The following EEFSEC variants were observed in gnomAD, a reference collection of about 807,000 sequenced individuals.
EEFSEC encodes selenocysteine-specific elongation factor.
EEFSEC carries 43 observed loss-of-function variants against 42.1 expected under a neutral mutation model. The observed-to-expected ratio is 1.02, with a 90% CI of 0.80 to 1.32. The LOEUF (loss-of-function observed/expected upper bound fraction) is 1.32, where lower values mean the gene tolerates loss of function less well. EEFSEC is among the 40% of genes most tolerant of loss of function. The pLI, the probability that EEFSEC is intolerant of heterozygous loss-of-function variation, is 0.00. For synonymous variants in EEFSEC, 354 were observed against 339.1 expected, an observed-to-expected ratio of 1.04 and a Z score of -0.48; for missense variants, 745 against 803.6, an observed-to-expected ratio of 0.93 and a Z score of 0.88.
chr3:128,328,370 G>A (rs140838103), intron 4 of EEFSEC, among the ~76,000 whole-genome samples: 5 of 152,262 alleles, frequency 3.3e-5, no homozygotes, highest in African/African-American at 9.6e-5. Flanking sequence ...AGCCACATGC[G>A]CCGTCCAGAT....
chr3:128,269,740 GA>G (rs2066394818), intron 4 of EEFSEC, among the ~76,000 whole-genome samples: 3 of 152,128 alleles, frequency 2.0e-5, no homozygotes, highest in African/African-American at 7.2e-5. Context: ...GAGTGAAGGA[GA>G]AAAAAATTCC....
intron 4 of EEFSEC, among the ~76,000 whole-genome samples, chr3:128,293,364 T>A (rs1022968661): frequency 6.6e-6 from 1 of 152,206 alleles, no homozygotes; most frequent in Non-Finnish European, 1.5e-5. Context: ...GCTAATTTTC[T>A]GTCTGTCTCT....
intron 6 of EEFSEC, among the ~76,000 whole-genome samples, chr3:128,381,507 T>C (rs1184410293): frequency 6.6e-6 from 1 of 152,044 alleles, no homozygotes; most frequent in African/African-American, 2.4e-5. Flanking sequence ...CCAGGATGAG[T>C]TCCATTAGGC....
intron 6 of EEFSEC, among the ~76,000 whole-genome samples, chr3:128,389,332 G>A (rs1369570277): frequency 6.6e-6 from 1 of 152,222 alleles, no homozygotes; most frequent in African/African-American, 2.4e-5. Context: ...GGACACAGGA[G>A]GTCATCCGAT....
chr3:128,396,723 G>A (rs547768725), intron 6 of EEFSEC, among the ~76,000 whole-genome samples: 2 of 152,346 alleles, frequency 1.3e-5, no homozygotes, highest in Non-Finnish European at 2.9e-5. Flanking sequence ...TTCCTGGTGT[G>A]TGTGAATAGC....
rs80239419 is a variant in EEFSEC at position 128,271,654 on chromosome 3, C to T, written c.786+6873C>T. Among the ~76,000 whole-genome samples, 170 of 152,252 alleles carry T rather than the reference C, an allele frequency of 1.1e-3. 2 individuals carry two copies. The East Asian group carries it at 0.031, about 27-fold the overall frequency. ...AGCAGATCAGCCCACCCTTGGTTGT[C>T]GCCCTCAGGAGGGACCTCGCAGATC... On this transcript the variant is annotated intron_variant, in intron 4 of 6. Transcript: ENST00000254730.
At chr3:128,344,740 C>T (rs1035140430) in intron 5 of EEFSEC, among the ~76,000 whole-genome samples, 2 of 152,240 alleles carry the variant, frequency 1.3e-5, no homozygotes, top group South Asian at 2.1e-4. Context: ...GGCTCAAGCC[C>T]TTGCTGTACC....
chr3:128,312,624 T>C (rs544074300), intron 4 of EEFSEC, among the ~76,000 whole-genome samples: 1 of 152,360 alleles, frequency 6.6e-6, no homozygotes, highest in Admixed American at 6.5e-5. Flanking sequence ...AGTTGAGAGA[T>C]GGGTGGGCCA....
chr3:128,333,483 A>G (rs775062963), intron 4 of EEFSEC, among the ~76,000 whole-genome samples: 2 of 152,240 alleles, frequency 1.3e-5, no homozygotes, highest in Non-Finnish European at 2.9e-5. Context: ...CTTTAATGAC[A>G]GGCAGATTGC....
downstream of EEFSEC, among the ~76,000 whole-genome samples, chr3:128,409,899 G>A (rs2068162369): frequency 6.6e-6 from 1 of 152,200 alleles, no homozygotes; most frequent in South Asian, 2.1e-4. Context: ...GGAAGGCAGT[G>A]CCACTTCACT....
At position 128,329,221 on chromosome 3, in the gene EEFSEC, A is replaced by G. The variant is rs1289136884; in HGVS notation, c.787-12012A>G. Among the ~76,000 whole-genome samples the G allele has an allele frequency of 2.0e-5, 3 of 152,286 alleles. 1 individual carries two copies. The East Asian group carries it at 5.8e-4, about 29-fold the overall frequency. On this transcript the variant is annotated intron_variant, in intron 4 of 6. Coordinates refer to ENST00000254730, the MANE Select transcript of EEFSEC (RefSeq NM_021937.5). The stretch of plus-strand genomic sequence containing the variant: ...TGTCTCTGCCCTTGGCTTGCTGGTC[A>G]TACCCTTGTCTAGCCTTGCTGATGC...
At chr3:128,339,018 G>A (rs1559927810) in intron 4 of EEFSEC, among the ~76,000 whole-genome samples, 1 of 152,202 alleles carries the variant, frequency 6.6e-6, no homozygotes, top group Non-Finnish European at 1.5e-5. Context: ...TGGGAGGGAA[G>A]AGTTGTGACC....
chr3:128,423,867 C>A, the EEFSEC span, among the ~76,000 whole-genome samples: 2 of 152,228 alleles, frequency 1.3e-5, no homozygotes, highest in African/African-American at 4.8e-5. Context: ...TTGGTCAATG[C>A]TCCATGGCCA....
intron 1 of EEFSEC, among the ~76,000 whole-genome samples, chr3:128,158,968 T>C (rs1052590149): frequency 6.6e-6 from 1 of 152,254 alleles, no homozygotes; most frequent in Non-Finnish European, 1.5e-5. Context: ...TTATCTTTTG[T>C]CTCATCTCTG....
chr3:128,377,396 A>G (rs930333605), intron 6 of EEFSEC, among the ~76,000 whole-genome samples: 5 of 152,260 alleles, frequency 3.3e-5, no homozygotes, highest in African/African-American at 1.2e-4. Flanking sequence ...TACAACCTAG[A>G]TAACCAAGCA....
intron 5 of EEFSEC, among the ~76,000 whole-genome samples, chr3:128,353,676 G>T (rs991466555): frequency 1.3e-5 from 2 of 152,202 alleles, no homozygotes; most frequent in Admixed American, 1.3e-4. Context: ...CTCATTTGCT[G>T]CTTCGGCACC....
chr3:128,155,029 GACAA>G (rs892923111), intron 1 of EEFSEC, among the ~76,000 whole-genome samples: 1 of 152,106 alleles, frequency 6.6e-6, no homozygotes, highest in African/African-American at 2.4e-5. Context: ...TCACAAATAA[GACAA>G]ACATTCCCTT....
intron 1 of EEFSEC, among the ~76,000 whole-genome samples, chr3:128,189,036 G>A (rs138544217): frequency 6.6e-6 from 1 of 152,184 alleles, no homozygotes; most frequent in Non-Finnish European, 1.5e-5. Context: ...CTTTACATGG[G>A]GGGGGCTCCC....
At chr3:128,187,934 C>G (rs1199293863) in intron 1 of EEFSEC, among the ~76,000 whole-genome samples, 1 of 152,158 alleles carries the variant, frequency 6.6e-6, no homozygotes, top group Non-Finnish European at 1.5e-5. Flanking sequence ...CCAGAGAAGG[C>G]TTGTGTGATT....
Sources: allele counts gnomAD v4.1 joint callset (sites outside exome capture counted in the v4.1 genomes callset), GRCh38; gene constraint gnomAD v4.1.1; transcripts MANE v1.5; gene names NCBI Gene and HGNC (gene_info 2026-07-23, HGNC 2026-07-21).